Variants in BAZ2A observed in about 807,000 individuals in gnomAD.
BAZ2A encodes bromodomain adjacent to zinc finger domain 2A.
Under a neutral mutation model 199.9 loss-of-function variants are expected in BAZ2A, and 34 were observed. The observed-to-expected ratio is 0.17, with a 90% CI of 0.13 to 0.23. The LOEUF (loss-of-function observed/expected upper bound fraction) is 0.23. BAZ2A is among the 10% of genes least tolerant of loss of function. BAZ2A has a pLI of 1.00. For synonymous variants in BAZ2A, 857 were observed against 883.9 expected (o/e 0.97, Z 0.54); for missense variants, 2,002 against 2,391.1 (o/e 0.84, Z 3.39).
chr12:56,611,932 A>G lies in BAZ2A; in HGVS notation c.1450T>C (p.Leu484=). 6.2e-7 allele frequency: 1 copy of G among 1,612,302 alleles called. No individual in the cohort carries two copies. Among genetic ancestry groups the G allele is most frequent in the Non-Finnish European group, 8.5e-7 (1 of 1,179,080 alleles). Residue 484 remains leucine, a synonymous_variant, in exon 6 of 29, where the codon TTG becomes CTG. Transcript: ENST00000549884. ...VLPAVSLEVP[L]TASVTSPKAS... The stretch of plus-strand genomic sequence containing the variant: ...TTTGGGGATGTCACTGAAGCCGTCA[A>G]CGGGACTTCTAAGGAGACTGCTGGG...
At chr12:56,605,434 T>G in intron 13 of BAZ2A, 107 bp from the exon 14 acceptor site, 1 of 1,259,854 alleles carries the variant, frequency 7.9e-7, no homozygotes, top group Non-Finnish European at 1.1e-6. Context: ...TTTTTTTTTT[T>G]TTTTTGAGAT....
At chr12:56,634,987 G>A, upstream of BAZ2A, 3 of 984,884 alleles carry the variant, frequency 3.0e-6, no homozygotes, top group Non-Finnish European at 3.6e-6. Flanking sequence ...CGGCGGCAGA[G>A]GCGCAGGTGG....
intron 7 of BAZ2A, 133 bp downstream of exon 7, chr12:56,611,440 A>G (rs980952459): frequency 8.1e-6 from 7 of 859,756 alleles, no homozygotes; most frequent in East Asian, 2.6e-5. Context: ...ATCACTGCAG[A>G]TAACTGTCCT....
chr12:56,600,334 G>A lies in BAZ2A; in HGVS notation c.4759C>T (p.Arg1587Trp). The A allele has an allele frequency of 6.2e-7, 1 of 1,613,972 alleles. No individual in the cohort carries two copies. Among genetic ancestry groups the A allele is most frequent in the Non-Finnish European group, 8.5e-7 (1 of 1,179,892 alleles). Residue 1587 changes from arginine to tryptophan, a missense_variant, in exon 24 of 29, where the codon CGG becomes TGG. By Grantham distance (101) the Arg-to-Trp change is moderately radical (BLOSUM62 -3). This residue lies in a region of BAZ2A where 1,081 missense variants were observed against 1,274.7 expected (regional missense o/e 0.85). Transcript: ENST00000549884. ...TTNPLDLAVM[R>W]LAALEQNVER... ...ACATTCTGTTCCAGGGCAGCCAGCC[G>A]CATCACAGCCAGGTCCAAAGGGTTG... is the stretch of plus-strand genomic sequence containing the variant.
At chr12:56,608,376 A>C (rs1360600493) in intron 10 of BAZ2A, among the ~76,000 whole-genome samples, 4 of 152,002 alleles carry the variant, frequency 2.6e-5, no homozygotes, top group African/African-American at 4.8e-5. Flanking sequence ...TGTCTCAAAA[A>C]AAAAAAAACA....
intron 1 of BAZ2A, among the ~76,000 whole-genome samples, chr12:56,618,941 A>G (rs539278067): frequency 3.9e-5 from 6 of 152,326 alleles, no homozygotes; most frequent in African/African-American, 1.4e-4. Flanking sequence ...TCACACCTAT[A>G]ATCCCAATAC....
chr12:56,623,584 T>C (rs1950991246), intron 1 of BAZ2A, among the ~76,000 whole-genome samples: 1 of 152,224 alleles, frequency 6.6e-6, no homozygotes. Context: ...AGGATATTTC[T>C]TAACTCTACA....
At chr12:56,629,244 T>G (rs755993772) in intron 1 of BAZ2A, among the ~76,000 whole-genome samples, 6 of 152,034 alleles carry the variant, frequency 3.9e-5, no homozygotes, top group Admixed American at 6.6e-5. Context: ...GGTGGAAAGC[T>G]ATCCCCTCCG....
chr12:56,611,750 T>C, intron 6 of BAZ2A, 23 bp downstream of exon 6: 1 of 1,519,968 alleles, frequency 6.6e-7, no homozygotes, highest in Non-Finnish European at 8.8e-7. Flanking sequence ...CAGACAGGGA[T>C]AGAATAGAAT....
chr12:56,601,896 ACTGAAG>A lies in BAZ2A; in HGVS notation c.3715_3720del (p.Leu1239_Gln1240del), dbSNP rs747483944. The A allele has an allele frequency of 2.3e-5, 37 of 1,611,188 alleles. No homozygotes were observed. Among genetic ancestry groups the A allele is most frequent in the African/African-American group, 1.3e-4 (10 of 74,954 alleles). ...TCTTGCTCCAGGAACCCCTTATGGG[ACTGAAG>A]CTGAAGCTGAAGCTGAGGCTGGGGC... On this transcript the variant is annotated inframe_deletion, in exon 20 of 29. Coordinates refer to ENST00000549884, the MANE Select transcript of BAZ2A (RefSeq NM_001300905.2).
Position 56,622,634 on chromosome 12 carries a change from G to A in BAZ2A, c.-2-5102C>T, listed in dbSNP as rs572787395. On this transcript the variant is annotated intron_variant, in intron 1 of 28. Coordinates refer to ENST00000549884, the MANE Select transcript of BAZ2A (RefSeq NM_001300905.2). ...ATCCAGAGCTAGTAAGAACAGTAAA[G>A]CAAAGGAGAGCATCTCCCTTTGAAC... Among the ~76,000 whole-genome samples, 7 of 152,274 alleles carry A rather than the reference G, an allele frequency of 4.6e-5. No individual in the cohort carries two copies. The South Asian group carries it at 1.4e-3, about 32-fold the overall frequency.
rs1425032927 is a variant in BAZ2A at position 56,605,233 on chromosome 12, C to T, written c.2588G>A (p.Gly863Asp). The T allele has an allele frequency of 3.1e-6, 5 of 1,613,614 alleles. No homozygotes were observed. The highest frequency in any genetic ancestry group is 4.2e-6 in the Non-Finnish European group (5 of 1,179,846). ...LTIVEFLHSF[G>D]KVLGFDPAKD... is the part of the protein sequence containing the mutation. ...GGCAGGATCAAAGCCCAGCACCTTG[C>T]CAAAGCTATGCAGGAACTCCACAAT... is the stretch of plus-strand genomic sequence containing the variant. The change falls in exon 14 of 29, where the codon GGC becomes GAC. Residue 863 changes from glycine (G) to aspartate (D), a missense_variant. Gly to Asp is a moderately conservative substitution (Grantham distance 94). This residue lies in a region of BAZ2A where 1,081 missense variants were observed against 1,274.7 expected (regional missense o/e 0.85). Coordinates refer to ENST00000549884, the MANE Select transcript of BAZ2A (RefSeq NM_001300905.2).
At chr12:56,599,077 T>C in intron 27 of BAZ2A, 52 bp downstream of exon 27, 2 of 1,599,046 alleles carry the variant, frequency 1.3e-6, no homozygotes, top group Non-Finnish European at 1.7e-6. Context: ...TCCCAGCCCT[T>C]TCCTCTGGCA....
At chr12:56,607,299 C>T (rs984942776) in intron 10 of BAZ2A, among the ~76,000 whole-genome samples, 5 of 152,176 alleles carry the variant, frequency 3.3e-5, no homozygotes, top group African/African-American at 4.8e-5. Flanking sequence ...TTCTTCCTTT[C>T]GGGAAGACTT....
intron 5 of BAZ2A, 39 bp downstream of exon 5, chr12:56,612,976 A>G (rs774639775): frequency 6.4e-7 from 1 of 1,560,426 alleles, no homozygotes; most frequent in East Asian, 2.2e-5. Context: ...ATCTTTTCTC[A>G]GGTAAAGGTC....
intron 10 of BAZ2A, among the ~76,000 whole-genome samples, chr12:56,607,855 C>CGGATCACCTGAGCAGGGA (rs1442664185): frequency 1.3e-5 from 2 of 151,906 alleles, no homozygotes; most frequent in African/African-American, 4.8e-5. Flanking sequence ...CTGAAGCAGG[C>CGGATCACCTGAGCAGGGA]GGATCACCTG....
chr12:56,633,823 CGCCTGCCAGGTTCCA>C (rs1565843217), upstream of BAZ2A, among the ~76,000 whole-genome samples: 3 of 152,170 alleles, frequency 2.0e-5, no homozygotes, highest in Admixed American at 1.3e-4. Flanking sequence ...CTGCAACCTA[CGCCTGCCAGGTTCCA>C]GCCTGCCAGG....
intron 16 of BAZ2A, 48 bp downstream of exon 16, chr12:56,604,169 G>GC: frequency 6.5e-7 from 1 of 1,532,984 alleles, no homozygotes. Context: ...TGCTTCACCC[G>GC]CCCCACTTCT....
At chr12:56,608,009 G>A (rs991187633) in intron 10 of BAZ2A, among the ~76,000 whole-genome samples, 2 of 151,748 alleles carry the variant, frequency 1.3e-5, no homozygotes, top group African/African-American at 2.4e-5. Context: ...AAACCTGGGA[G>A]GTTGCGGTGA....
Sources: allele counts gnomAD v4.1 joint callset (sites outside exome capture counted in the v4.1 genomes callset), GRCh38; gene constraint gnomAD v4.1.1; regional missense constraint gnomAD v4.1.1; transcripts MANE v1.5; gene names NCBI Gene and HGNC (gene_info 2026-07-23, HGNC 2026-07-21).